The following CADPS2 variants were observed in gnomAD, a reference collection of about 807,000 sequenced individuals.
The protein encoded by CADPS2 is calcium dependent secretion activator 2.
Under a neutral mutation model 172.5 loss-of-function variants are expected in CADPS2, and 93 were observed. The ratio of observed to expected loss-of-function variants is 0.54; its 90% CI spans 0.46 to 0.64. The LOEUF (loss-of-function observed/expected upper bound fraction) is 0.64, where lower values mean the gene tolerates loss of function less well. Among genes scored for constraint, CADPS2 ranks in the 30% least tolerant of loss-of-function variants. CADPS2 has a pLI of 0.00. For missense variants in CADPS2, 1,420 were observed against 1,565.9 expected (o/e 0.91, Z 1.57); for synonymous variants, 546 against 555.2 (o/e 0.98, Z 0.23).
At chr7:122,560,919 T>G (rs999597152) in intron 7 of CADPS2, among the ~76,000 whole-genome samples, 1 of 152,196 alleles carries the variant, frequency 6.6e-6, no homozygotes, top group African/African-American at 2.4e-5. Flanking sequence ...CCACATATAT[T>G]AATATTTGCC....
rs551493013 is a variant in CADPS2 at position 122,516,020 on chromosome 7, T to C, written c.1476-2705A>G. On this transcript the variant is annotated intron_variant, in intron 8 of 29. Coordinates refer to ENST00000449022, the MANE Select transcript of CADPS2 (RefSeq NM_017954.11). The stretch of plus-strand genomic sequence containing the variant: ...ATTAACAAAATTGGATTAAAATATA[T>C]GGTTTCTTTGAAGACAGAAAGCAGG... Among the ~76,000 whole-genome samples, 4 of 152,198 alleles carry C rather than the reference T, an allele frequency of 2.6e-5. No homozygotes were observed. In the East Asian group the frequency reaches 7.7e-4, roughly 29 times the overall value.
intron 29 of CADPS2, among the ~76,000 whole-genome samples, chr7:122,320,660 G>A (rs118005173): frequency 0.015 from 2,339 of 152,260 alleles, 29 homozygotes; most frequent in Non-Finnish European, 0.024. Flanking sequence ...ATATGTACCT[G>A]TGTAAGTTTT....
intron 15 of CADPS2, among the ~76,000 whole-genome samples, chr7:122,443,540 A>G (rs2051660464): frequency 6.6e-6 from 1 of 151,984 alleles, no homozygotes; most frequent in Non-Finnish European, 1.5e-5. Flanking sequence ...AAACCAGCAC[A>G]GATTTATCTT....
intron 2 of CADPS2, among the ~76,000 whole-genome samples, chr7:122,664,064 CAAA>C (rs541690772): frequency 7.9e-4 from 67 of 84,854 alleles, no homozygotes; most frequent in Middle Eastern, 0.014. Context: ...TGTTTATAAG[CAAA>C]AAAAAAAAAA....
intron 6 of CADPS2, among the ~76,000 whole-genome samples, chr7:122,608,892 A>C (rs2073941153): frequency 6.6e-6 from 1 of 152,036 alleles, no homozygotes; most frequent in Non-Finnish European, 1.5e-5. Context: ...ATTTGTTAAG[A>C]GGTTAGATTT....
intron 2 of CADPS2, among the ~76,000 whole-genome samples, chr7:122,735,419 A>G (rs1406485799): frequency 7.9e-5 from 12 of 152,164 alleles, no homozygotes; most frequent in Non-Finnish European, 1.6e-4. Context: ...AGAAGAGAAC[A>G]TAATCCTCAT....
intron 2 of CADPS2, among the ~76,000 whole-genome samples, chr7:122,664,430 AAAC>A (rs143576684): frequency 0.051 from 7,747 of 152,202 alleles, 252 homozygotes; most frequent in African/African-American, 0.058. Flanking sequence ...AATAAAATAA[AAAC>A]AACAATAGAG....
intron 25 of CADPS2, among the ~76,000 whole-genome samples, chr7:122,378,263 G>C (rs564627473): frequency 2.0e-4 from 31 of 152,142 alleles, no homozygotes; most frequent in African/African-American, 7.0e-4. Flanking sequence ...GTGCATCTAA[G>C]CAGTATGACA....
chr7:122,801,264 T>A (rs1438124975), intron 1 of CADPS2, among the ~76,000 whole-genome samples: 2 of 152,258 alleles, frequency 1.3e-5, no homozygotes, highest in South Asian at 2.1e-4. Flanking sequence ...AAAGCCAATG[T>A]ACGTTATAAG....
chr7:122,572,545 A>T (rs559187779), intron 7 of CADPS2, among the ~76,000 whole-genome samples: 22 of 152,274 alleles, frequency 1.4e-4, no homozygotes, highest in African/African-American at 5.1e-4. Flanking sequence ...ACCCTCCAAA[A>T]ATTTTTTTGT....
At chr7:122,349,360 T>C (rs536193174) in intron 27 of CADPS2, among the ~76,000 whole-genome samples, 1 of 152,240 alleles carries the variant, frequency 6.6e-6, no homozygotes, top group African/African-American at 2.4e-5. Flanking sequence ...TTAAATGCCA[T>C]TTCGGAGTAA....
intron 11 of CADPS2, among the ~76,000 whole-genome samples, chr7:122,481,131 C>G (rs2057242196): frequency 6.8e-6 from 1 of 146,376 alleles, no homozygotes; most frequent in Non-Finnish European, 1.5e-5. Flanking sequence ...TACCCTCATT[C>G]TGATGAGGTA....
intron 2 of CADPS2, chr7:122,698,551 C>G: frequency 6.2e-7 from 1 of 1,614,052 alleles, no homozygotes; most frequent in South Asian, 1.1e-5. Context: ...TCCACTGGCT[C>G]CCTTCTCAGT....
intron 1 of CADPS2, among the ~76,000 whole-genome samples, chr7:122,763,976 C>T (rs942525998): frequency 4.6e-5 from 7 of 152,074 alleles, no homozygotes; most frequent in African/African-American, 1.7e-4. Context: ...ATAAATTCAA[C>T]TTGGCTAAAA....
At chr7:122,449,424 TC>T (rs2052750875) in intron 15 of CADPS2, among the ~76,000 whole-genome samples, 1 of 152,050 alleles carries the variant, frequency 6.6e-6, no homozygotes, top group Admixed American at 6.6e-5. Flanking sequence ...CAAGTGATCC[TC>T]CCACATCAGC....
chr7:122,615,473 T>C (rs567005185), intron 5 of CADPS2, among the ~76,000 whole-genome samples, 174 bp from the exon 6 acceptor site: 1 of 152,282 alleles, frequency 6.6e-6, no homozygotes, highest in South Asian at 2.1e-4. Flanking sequence ...TCATAGAAGG[T>C]ATAATAAATA....
chr7:122,878,101 C>A (rs948719463), intron 1 of CADPS2, among the ~76,000 whole-genome samples: 13 of 151,240 alleles, frequency 8.6e-5, no homozygotes, highest in African/African-American at 2.9e-4. Flanking sequence ...ACTAAAAATA[C>A]AAAAATTAGC....
intron 2 of CADPS2, chr7:122,698,173 ATTTCTTCAT>A: frequency 6.2e-7 from 1 of 1,613,914 alleles, no homozygotes; most frequent in Non-Finnish European, 8.5e-7. Flanking sequence ...ATTTGGATTT[ATTTCTTCAT>A]CCCCCTCTTT....
At chr7:122,782,372 G>C (rs1255419424) in intron 1 of CADPS2, among the ~76,000 whole-genome samples, 1 of 150,288 alleles carries the variant, frequency 6.7e-6, no homozygotes, top group Non-Finnish European at 1.5e-5. Context: ...TGAAACACCA[G>C]TAGCAAATCT....
Sources: allele counts gnomAD v4.1 joint callset (sites outside exome capture counted in the v4.1 genomes callset), GRCh38; gene constraint gnomAD v4.1.1; transcripts MANE v1.5; gene names NCBI Gene and HGNC (gene_info 2026-07-23, HGNC 2026-07-21).